The following ASPRV1 variants were observed in gnomAD, a reference collection of about 807,000 sequenced individuals.
The protein encoded by ASPRV1 is aspartic peptidase retroviral like 1.
Under a neutral mutation model 11.0 loss-of-function variants are expected in ASPRV1, and 7 were observed. The ratio of observed to expected loss-of-function variants is 0.64; its 90% confidence interval spans 0.36 to 1.20. ASPRV1 has a LOEUF of 1.20. ASPRV1 is among the 50% of genes most tolerant of loss of function. ASPRV1 has a pLI of 0.02. For synonymous variants in ASPRV1, 136 were observed against 138.4 expected (o/e 0.98, Z 0.12); for missense variants, 299 against 320.0 (o/e 0.93, Z 0.50).
At chr2:70,030,675 A>G in the ASPRV1 span, 1 of 152,106 alleles carries the variant, frequency 6.6e-6, no homozygotes, top group African/African-American at 2.4e-5. Context: ...TTGGTTTACA[A>G]CCAAGCAGAA....
chr2:69,945,794 T>G, the ASPRV1 span, among the ~76,000 whole-genome samples: 1 of 152,002 alleles, frequency 6.6e-6, no homozygotes, highest in Non-Finnish European at 1.5e-5. Context: ...TCTGAGCGGG[T>G]GGACTGGGGG....
the ASPRV1 span, among the ~76,000 whole-genome samples, chr2:70,003,707 A>C: frequency 1.3e-5 from 2 of 152,186 alleles, no homozygotes; most frequent in South Asian, 4.1e-4. Context: ...GCCTAAAACG[A>C]GGGTTGTGCT....
At chr2:70,013,784 G>C in the ASPRV1 span, among the ~76,000 whole-genome samples, 1 of 152,152 alleles carries the variant, frequency 6.6e-6, no homozygotes, top group Non-Finnish European at 1.5e-5. Context: ...AGGAGGCTGA[G>C]GCATGAGAAT....
chr2:69,942,657 A>G, the ASPRV1 span: 1 of 152,232 alleles, frequency 6.6e-6, no homozygotes, highest in Non-Finnish European at 1.5e-5. Flanking sequence ...TGCTCTTGGA[A>G]TATTGCTGTT....
At chr2:70,065,156 C>T in the ASPRV1 span, among the ~76,000 whole-genome samples, 2 of 151,466 alleles carry the variant, frequency 1.3e-5, no homozygotes, top group Non-Finnish European at 2.9e-5. Flanking sequence ...TGCCTGTAAT[C>T]CCAGCACTTT....
At chr2:70,018,501 A>T in the ASPRV1 span, among the ~76,000 whole-genome samples, 302 of 152,338 alleles carry the variant, frequency 2.0e-3, 1 homozygote, top group African/African-American at 6.9e-3. Flanking sequence ...GGCTAGAGGT[A>T]TCATACTGTC....
At chr2:70,033,358 C>T in the ASPRV1 span, among the ~76,000 whole-genome samples, 1 of 151,766 alleles carries the variant, frequency 6.6e-6, no homozygotes, top group Admixed American at 6.6e-5. Flanking sequence ...TCAGACTTTC[C>T]TGAAGGTATG....
At chr2:69,941,425 A>C in the ASPRV1 span, 1 of 152,202 alleles carries the variant, frequency 6.6e-6, no homozygotes, top group Non-Finnish European at 1.5e-5. Flanking sequence ...TCACACACCT[A>C]ATGCTAGTTT....
At chr2:70,037,436 G>C in the ASPRV1 span, among the ~76,000 whole-genome samples, 1 of 152,094 alleles carries the variant, frequency 6.6e-6, no homozygotes, top group African/African-American at 2.4e-5. Context: ...CCGTTCTCGT[G>C]CCTCAGCCTC....
the ASPRV1 span, among the ~76,000 whole-genome samples, chr2:70,044,805 C>T: frequency 6.2e-3 from 951 of 152,304 alleles, 10 homozygotes; most frequent in African/African-American, 0.022. Flanking sequence ...AGTAGTCACA[C>T]AACAGGTGCC....
At chr2:70,029,732 A>T in the ASPRV1 span, among the ~76,000 whole-genome samples, 1 of 152,192 alleles carries the variant, frequency 6.6e-6, no homozygotes, top group South Asian at 2.1e-4. Flanking sequence ...TGTCAGAAGC[A>T]GGTAAGCACA....
chr2:70,068,131 G>A, the ASPRV1 span, among the ~76,000 whole-genome samples: 1 of 152,232 alleles, frequency 6.6e-6, no homozygotes, highest in Admixed American at 6.5e-5. Flanking sequence ...GCCCCAGGAG[G>A]AGAGATCAGA....
At chr2:69,961,664 C>T (rs576818438), upstream of ASPRV1, 2 of 1,556,254 alleles carry the variant, frequency 1.3e-6, no homozygotes, top group South Asian at 2.4e-5. Context: ...TTTTTGATGC[C>T]TAGGCTGGCC....
chr2:69,995,017 AAATT>A, the ASPRV1 span, among the ~76,000 whole-genome samples: 3 of 151,198 alleles, frequency 2.0e-5, no homozygotes, highest in African/African-American at 4.9e-5. Context: ...ATAAATAAAT[AAATT>A]AATTAATTAA....
the ASPRV1 span, among the ~76,000 whole-genome samples, chr2:69,983,317 G>A: frequency 6.6e-6 from 1 of 152,192 alleles, no homozygotes; most frequent in Non-Finnish European, 1.5e-5. Flanking sequence ...GCAGGATTTG[G>A]CCAAGAGCAA....
chr2:69,997,677 C>T, the ASPRV1 span, among the ~76,000 whole-genome samples: 1 of 152,314 alleles, frequency 6.6e-6, no homozygotes, highest in South Asian at 2.1e-4. Context: ...CCAGTCATGG[C>T]CACCTCCAGC....
At chr2:69,947,430 T>C in the ASPRV1 span, among the ~76,000 whole-genome samples, 1 of 152,204 alleles carries the variant, frequency 6.6e-6, no homozygotes, top group African/African-American at 2.4e-5. Context: ...TCTTCTCCCT[T>C]TGGCTGTCAG....
At chr2:69,949,956 C>T in the ASPRV1 span, among the ~76,000 whole-genome samples, 1 of 152,142 alleles carries the variant, frequency 6.6e-6, no homozygotes, top group South Asian at 2.1e-4. Context: ...GCTGGGATTA[C>T]AGGCGTCTGC....
At chr2:69,984,231 G>A in the ASPRV1 span, among the ~76,000 whole-genome samples, 8 of 152,028 alleles carry the variant, frequency 5.3e-5, no homozygotes, top group Non-Finnish European at 1.0e-4. Context: ...TAGAGACGAG[G>A]TTTCACCATG....
Sources: gnomAD v4.1 joint callset for allele counts (sites outside exome capture counted in the v4.1 genomes callset) on GRCh38, gnomAD v4.1.1 for gene constraint, MANE v1.5 for transcripts, NCBI Gene and HGNC (gene_info 2026-07-23, HGNC 2026-07-21) for gene names.